Variants in CATSPERE observed in about 807,000 individuals in gnomAD.
The protein encoded by CATSPERE is catsper channel auxiliary subunit epsilon.
CATSPERE carries 93 observed loss-of-function variants against 114.1 expected under a neutral mutation model. That is an observed-to-expected ratio of 0.81 (90% CI 0.69 to 0.97). The LOEUF is 0.97. Ranked by LOEUF, CATSPERE falls within the 50% of genes least tolerant of loss-of-function variation. CATSPERE has a pLI of 0.00. For missense variants in CATSPERE, 1,058 were observed against 1,131.6 expected (o/e 0.93, Z 0.93); for synonymous variants, 341 against 384.1 (o/e 0.89, Z 1.31).
At position 244,640,067 on chromosome 1, in the gene CATSPERE, CGTA is replaced by C. The variant is rs1675176580; in HGVS notation, c.2843_2845del (p.Arg948_Lys949delinsGln). Reference sequence around the variant, plus strand: ...ACCACTTCACAAACCTCAAAGAAAACGTAAGAAGAATTAGGAAAACTGAAAGTT... The same window carrying C: ...ACCACTTCACAAACCTCAAAGAAAACAGAAGAATTAGGAAAACTGAAAGTT... On this transcript the variant is annotated inframe_deletion, in exon 22 of 22. Transcript: ENST00000366534. The C allele has an allele frequency of 6.5e-7, 1 of 1,547,698 alleles. No individual in the cohort carries two copies.
chr1:244,605,861 T>G, intron 18 of CATSPERE, 67 bp downstream of exon 18: 1 of 1,126,262 alleles, frequency 8.9e-7, no homozygotes, highest in Admixed American at 2.2e-5. Flanking sequence ...GTTTTAAATT[T>G]ATAAATAAGC....
chr1:244,591,248 TATC>T (rs1169044797), intron 14 of CATSPERE, among the ~76,000 whole-genome samples: 1 of 149,086 alleles, frequency 6.7e-6, no homozygotes, highest in Non-Finnish European at 1.5e-5. Flanking sequence ...CTCACATAGT[TATC>T]ATTTTGGTGG....
rs971847225 is a variant in CATSPERE, at chr1:244,494,145, A to T, written c.351+3674A>T. Among the ~76,000 whole-genome samples, 5 of 152,246 alleles carry T rather than the reference A, an allele frequency of 3.3e-5. No homozygotes were observed. The South Asian group carries it at 1.0e-3, about 32-fold the overall frequency. ...ATAAATCATGCTGCTATAAAGACACATGCACACGTATGTTTATTGCGGCAC... is the reference window on the plus strand; with the variant it reads ...ATAAATCATGCTGCTATAAAGACACTTGCACACGTATGTTTATTGCGGCAC... On this transcript the variant is annotated intron_variant, in intron 6 of 21. Coordinates refer to ENST00000366534, the MANE Select transcript of CATSPERE (RefSeq NM_001130957.2).
Position 244,539,662 on chromosome 1 carries a change from G to T in CATSPERE, c.537-12660G>T, listed in dbSNP as rs371875351. Among the ~76,000 whole-genome samples the T allele has an allele frequency of 2.2e-4, 33 of 149,328 alleles. No homozygotes were observed. In the East Asian group the frequency reaches 4.8e-3, roughly 22 times the overall value. On this transcript the variant is annotated intron_variant, in intron 8 of 21. Transcript: ENST00000366534. ...GCCACAGTTTCAGCTCCTGTTATTG[G>T]TCTATTCAGAGATTCAACTTCTTCC... is the stretch of plus-strand genomic sequence containing the variant.
intron 8 of CATSPERE, among the ~76,000 whole-genome samples, chr1:244,534,539 A>G (rs1274736872): frequency 1.3e-5 from 2 of 152,068 alleles, no homozygotes; most frequent in East Asian, 1.9e-4. Context: ...TGCTTGATCA[A>G]TTCTGCTATT....
rs3003294 is a variant in CATSPERE at position 244,512,617 on chromosome 1, G to C, written c.430-5975G>C. On this transcript the variant is annotated intron_variant, in intron 7 of 21. Coordinates refer to ENST00000366534, the MANE Select transcript of CATSPERE (RefSeq NM_001130957.2). ...TACAGAGAATTATTGTGTTCCTTTG[G>C]AAGAGCCATGTTTCCTTGCTTTTTC... Among the ~76,000 whole-genome samples the C allele has an allele frequency of 7.2e-3, 1,092 of 152,056 alleles. 13 individuals carry two copies. Among genetic ancestry groups the C allele is most frequent in the African/African-American group, 0.025 (1,024 of 41,472 alleles).
In CATSPERE at chr1:244,584,022, G is replaced by GTACAATACCTCCATACAATACCTCCA. The variant is rs1159282979; in HGVS notation, c.2085+97_2085+98insACAATACCTCCATACAATACCTCCAT. The GTACAATACCTCCATACAATACCTCCA allele has an allele frequency of 3.9e-6, 4 of 1,022,354 alleles. No individual in the cohort carries two copies. The South Asian group carries it at 4.1e-5, about 11-fold the overall frequency. The allele number at this position is 1,022,354 out of a possible 1,614,324, so 63.3% of individuals were successfully genotyped here. ...ACCAAATAATGCATACAATACCTCC[G>GTACAATACCTCCATACAATACCTCCA]TACAATACCTCCATGCAATACCTCC... On this transcript the variant is annotated intron_variant, in intron 13 of 21. Transcript: ENST00000366534.
chr1:244,463,831 C>A, intron 1 of CATSPERE, 77 bp from the exon 2 acceptor site: 2 of 1,293,440 alleles, frequency 1.5e-6, no homozygotes, highest in African/African-American at 1.5e-5. Context: ...CCCAGCTATG[C>A]CCTGACCATG....
chr1:244,635,433 G>A lies in CATSPERE; in HGVS notation c.2649-56G>A, dbSNP rs200372882. 1,389 of 1,314,180 alleles carry A rather than the reference G, an allele frequency of 1.1e-3. 2 individuals carry two copies. The highest frequency in any genetic ancestry group is 1.5e-3 in the Non-Finnish European group (1,324 of 912,128). The allele number at this position is 1,314,180 out of a possible 1,614,324, so 81.4% of individuals were successfully genotyped here. A position where few individuals can be genotyped will look rare whatever the true frequency, so the allele number is the denominator to read the frequency against. ...TTGTTACCATAGGGACATGGAGAGC[G>A]TTTTAAAATATATTGTACTTAGTGT... On this transcript the variant is annotated intron_variant, in intron 20 of 21. Transcript: ENST00000366534.
intron 2 of CATSPERE, among the ~76,000 whole-genome samples, chr1:244,473,428 T>G (rs553525973): frequency 6.6e-6 from 1 of 152,304 alleles, no homozygotes; most frequent in South Asian, 2.1e-4. Context: ...TCAGATCTTT[T>G]GCCCATTTTT....
intron 7 of CATSPERE, among the ~76,000 whole-genome samples, chr1:244,508,369 T>C (rs552602676): frequency 5.3e-5 from 8 of 151,102 alleles, no homozygotes; most frequent in South Asian, 2.1e-4. Context: ...GGCGCGATCT[T>C]GGCTCACTGC....
intron 7 of CATSPERE, 103 bp downstream of exon 7, chr1:244,499,182 C>G (rs1378327219): frequency 1.4e-6 from 1 of 738,456 alleles, no homozygotes; most frequent in African/African-American, 1.8e-5. Flanking sequence ...TTTAAGCTGC[C>G]CACACCTAAC....
At chr1:244,596,380 C>T (rs1046931697) in intron 17 of CATSPERE, among the ~76,000 whole-genome samples, 1 of 152,226 alleles carries the variant, frequency 6.6e-6, no homozygotes, top group East Asian at 1.9e-4. Context: ...GTCTACAGAG[C>T]AGCCATTCTG....
chr1:244,547,482 T>A (rs1262794319), intron 8 of CATSPERE, among the ~76,000 whole-genome samples: 1 of 152,118 alleles, frequency 6.6e-6, no homozygotes, highest in East Asian at 1.9e-4. Flanking sequence ...AAGCCAAAAC[T>A]ATTAAAAATA....
chr1:244,561,811 G>T (rs1351929196), intron 10 of CATSPERE, among the ~76,000 whole-genome samples: 1 of 152,016 alleles, frequency 6.6e-6, no homozygotes, highest in Non-Finnish European at 1.5e-5. Context: ...GAAGTTAAAG[G>T]CCTTCATCTC....
At position 244,521,593 on chromosome 1, in the gene CATSPERE, A is replaced by T. The variant is rs758063451; in HGVS notation, c.536+2895A>T. On this transcript the variant is annotated intron_variant, in intron 8 of 21. Coordinates refer to ENST00000366534, the MANE Select transcript of CATSPERE (RefSeq NM_001130957.2). Reference sequence around the variant, plus strand: ...CTCGGCTTAGTAAAAAATAAAATAAATTTTTTTAACCTCATATTGTACATA... The same window carrying T: ...CTCGGCTTAGTAAAAAATAAAATAATTTTTTTTAACCTCATATTGTACATA... Among the ~76,000 whole-genome samples, 54 of 152,278 alleles carry T rather than the reference A, an allele frequency of 3.5e-4. No individual in the cohort carries two copies. The Middle Eastern group carries it at 0.014, about 38-fold the overall frequency.
At chr1:244,531,362 T>A (rs1679570158) in intron 8 of CATSPERE, among the ~76,000 whole-genome samples, 1 of 152,150 alleles carries the variant, frequency 6.6e-6, no homozygotes, top group Non-Finnish European at 1.5e-5. Flanking sequence ...GGACTTCCAG[T>A]ACTGTTGAAT....
chr1:244,536,629 C>T lies in CATSPERE; in HGVS notation c.537-15693C>T, dbSNP rs1036903747. Among the ~76,000 whole-genome samples, 20 of 152,264 alleles carry T rather than the reference C, an allele frequency of 1.3e-4. No homozygotes were observed. The East Asian group carries it at 3.3e-3, about 25-fold the overall frequency. ...GTTGTCTGCACTATGCAGCCACTAC[C>T]GAGATGGGGAAGGGGTGACGTTGGC... On this transcript the variant is annotated intron_variant, in intron 8 of 21. Coordinates refer to ENST00000366534, the MANE Select transcript of CATSPERE (RefSeq NM_001130957.2).
intron 10 of CATSPERE, among the ~76,000 whole-genome samples, chr1:244,562,510 T>C (rs1310589994): frequency 1.3e-5 from 2 of 152,172 alleles, no homozygotes; most frequent in African/African-American, 4.8e-5. Flanking sequence ...TCCTTCTCAC[T>C]TACCCACCAG....
Sources: gnomAD v4.1 joint callset for allele counts (sites outside exome capture counted in the v4.1 genomes callset) on GRCh38, gnomAD v4.1.1 for gene constraint, MANE v1.5 for transcripts, NCBI Gene and HGNC (gene_info 2026-07-23, HGNC 2026-07-21) for gene names.